ARHGAP24: variants seen among roughly 807,000 people sequenced by gnomAD.
The protein encoded by ARHGAP24 is Rho GTPase activating protein 24, also known as rho GTPase-activating protein 24.
A neutral mutation model predicts 76.4 loss-of-function variants in ARHGAP24; 50 were observed. The ratio of observed to expected loss-of-function variants is 0.65; its 90% confidence interval spans 0.52 to 0.83. The LOEUF is 0.83. Ranked by LOEUF, ARHGAP24 falls within the 40% of genes least tolerant of loss-of-function variation. ARHGAP24 has a pLI of 0.00. For synonymous variants in ARHGAP24, 345 were observed against 323.3 expected (o/e 1.07, Z -0.72); for missense variants, 930 against 914.2 (o/e 1.02, Z -0.22).
intron 1 of ARHGAP24, among the ~76,000 whole-genome samples, chr4:85,517,300 A>G (rs1351872382): frequency 6.6e-6 from 1 of 152,170 alleles, no homozygotes; most frequent in Non-Finnish European, 1.5e-5. Flanking sequence ...TTAAACAAAT[A>G]GCCCCCCTCT....
intron 1 of ARHGAP24, among the ~76,000 whole-genome samples, chr4:85,497,910 A>G (rs1723643364): frequency 6.6e-6 from 1 of 152,228 alleles, no homozygotes; most frequent in African/African-American, 2.4e-5. Context: ...GTCTTTGAAC[A>G]CACGGCAGTT....
intron 1 of ARHGAP24, among the ~76,000 whole-genome samples, chr4:85,483,323 A>AC (rs989605580): frequency 3.9e-5 from 6 of 152,238 alleles, no homozygotes; most frequent in African/African-American, 1.4e-4. Context: ...GGAAAAAAAA[A>AC]CTCAGTGTTC....
chr4:85,728,437 C>A (rs570605613), intron 3 of ARHGAP24, among the ~76,000 whole-genome samples: 9 of 152,126 alleles, frequency 5.9e-5, no homozygotes, highest in African/African-American at 2.2e-4. Context: ...TGTTCCTATG[C>A]ATTTATCTAT....
At chr4:85,826,299 T>G (rs370718582) in intron 3 of ARHGAP24, among the ~76,000 whole-genome samples, 1 of 152,076 alleles carries the variant, frequency 6.6e-6, no homozygotes, top group East Asian at 1.9e-4. Context: ...CCCTTCTCCA[T>G]CCCCCTCAAA....
At chr4:85,958,344 T>A (rs1327097406) in intron 5 of ARHGAP24, among the ~76,000 whole-genome samples, 1 of 152,210 alleles carries the variant, frequency 6.6e-6, no homozygotes, top group Non-Finnish European at 1.5e-5. Context: ...TATGGGGCAC[T>A]TTTTATTGTC....
At chr4:85,927,129 T>C (rs1334709805) in intron 4 of ARHGAP24, among the ~76,000 whole-genome samples, 2 of 152,114 alleles carry the variant, frequency 1.3e-5, no homozygotes, top group Non-Finnish European at 2.9e-5. Flanking sequence ...ATGTGAAGTA[T>C]CCATAGAATG....
intron 2 of ARHGAP24, among the ~76,000 whole-genome samples, chr4:85,613,839 C>T (rs1720468374): frequency 6.6e-6 from 1 of 152,110 alleles, no homozygotes; most frequent in Admixed American, 6.5e-5. Flanking sequence ...TTCATGGTCA[C>T]CACCTGATCC....
chr4:85,881,376 A>C lies in ARHGAP24; in HGVS notation c.269-42272A>C, dbSNP rs151043778. On this transcript the variant is annotated intron_variant, in intron 3 of 9. Coordinates refer to ENST00000395184, the MANE Select transcript of ARHGAP24 (RefSeq NM_001025616.3). ...CTACTGTATGTGTGTAATTTATTTT[A>C]TATTCATTAACGTTGCCAAGATGTA... 7.5e-4 allele frequency among the ~76,000 whole-genome samples: 114 copies of C among 152,324 alleles called. 1 individual carries two copies. The highest frequency in any genetic ancestry group is 1.2e-3 in the Non-Finnish European group (84 of 68,030).
At chr4:85,737,352 A>C (rs76596868) in intron 3 of ARHGAP24, among the ~76,000 whole-genome samples, 2,460 of 152,308 alleles carry the variant, frequency 0.016, 81 homozygotes, top group African/African-American at 0.056. Flanking sequence ...GGAAGCCAGC[A>C]GTGCCATTTC....
intron 2 of ARHGAP24, among the ~76,000 whole-genome samples, chr4:85,638,878 A>G (rs1244357858): frequency 6.6e-6 from 1 of 151,922 alleles, no homozygotes; most frequent in Non-Finnish European, 1.5e-5. Context: ...AGAACCTAAT[A>G]CTCTTGGTTT....
chr4:85,974,091 C>T (rs1386050900), intron 6 of ARHGAP24, among the ~76,000 whole-genome samples: 2 of 151,160 alleles, frequency 1.3e-5, no homozygotes, highest in Non-Finnish European at 2.9e-5. Flanking sequence ...CTCCTGACCC[C>T]GTGATCCACC....
At chr4:85,860,017 A>T (rs559701540) in intron 3 of ARHGAP24, among the ~76,000 whole-genome samples, 1 of 152,144 alleles carries the variant, frequency 6.6e-6, no homozygotes, top group Non-Finnish European at 1.5e-5. Context: ...TTAATATTTA[A>T]TGCTGGTATC....
chr4:85,768,134 T>C (rs1170521767), intron 3 of ARHGAP24, among the ~76,000 whole-genome samples: 4 of 152,120 alleles, frequency 2.6e-5, no homozygotes, highest in South Asian at 2.1e-4. Context: ...GCAAACATGT[T>C]ATAGCAAAAT....
intron 5 of ARHGAP24, among the ~76,000 whole-genome samples, chr4:85,947,429 A>C (rs1336403882): frequency 6.6e-6 from 1 of 152,074 alleles, no homozygotes; most frequent in Non-Finnish European, 1.5e-5. Context: ...CTCTTTTGTA[A>C]GGGCATTAAT....
chr4:85,575,106 TA>T (rs1175819559), intron 2 of ARHGAP24, among the ~76,000 whole-genome samples: 1 of 152,162 alleles, frequency 6.6e-6, no homozygotes, highest in Admixed American at 6.5e-5. Context: ...TCAATCAAAC[TA>T]AACATCCTCA....
chr4:85,554,369 G>T (rs1165369910), intron 1 of ARHGAP24, among the ~76,000 whole-genome samples: 2 of 152,146 alleles, frequency 1.3e-5, no homozygotes, highest in Non-Finnish European at 2.9e-5. Context: ...GGTTAAGGAA[G>T]TTTTCATGGA....
intron 2 of ARHGAP24, among the ~76,000 whole-genome samples, chr4:85,682,090 C>T (rs1723226919): frequency 6.6e-6 from 1 of 152,166 alleles, no homozygotes; most frequent in Non-Finnish European, 1.5e-5. Context: ...CTTTTAAACA[C>T]TGTGTTATAT....
chr4:85,706,941 G>A (rs1373334973), intron 2 of ARHGAP24, among the ~76,000 whole-genome samples: 1 of 151,208 alleles, frequency 6.6e-6, no homozygotes, highest in Non-Finnish European at 1.5e-5. Flanking sequence ...TTTGTGACAG[G>A]GTCTTGCTCT....
At chr4:85,955,963 A>T (rs527936676) in intron 5 of ARHGAP24, among the ~76,000 whole-genome samples, 5 of 152,210 alleles carry the variant, frequency 3.3e-5, no homozygotes, top group Non-Finnish European at 5.9e-5. Flanking sequence ...TCCATGCAAA[A>T]ACTCAAACTC....
Sources: gnomAD v4.1 joint callset for allele counts (sites outside exome capture counted in the v4.1 genomes callset) on GRCh38, gnomAD v4.1.1 for gene constraint, MANE v1.5 for transcripts, NCBI Gene and HGNC (gene_info 2026-07-23, HGNC 2026-07-21) for gene names.